LUC7L3: variants seen among roughly 807,000 people sequenced by gnomAD.
The protein encoded by LUC7L3 is LUC7 like 3 pre-mRNA splicing factor.
In LUC7L3, 6 loss-of-function variants were observed where a neutral mutation model predicts 66.8. That is an observed-to-expected ratio of 0.09 (90% CI 0.05 to 0.18). LUC7L3 has a LOEUF of 0.18. LUC7L3 is among the 10% of genes least tolerant of loss of function. LUC7L3 has a pLI of 1.00. For missense variants in LUC7L3, 341 were observed against 531.1 expected, an observed-to-expected ratio of 0.64 and a Z score of 3.52; for synonymous variants, 160 against 174.7, an observed-to-expected ratio of 0.92 and a Z score of 0.66.
chr17:50,754,499 T>C lies in LUC7L3; in HGVS notation c.*3838T>C, dbSNP rs1457631849. 3 of 152,180 alleles carry C rather than the reference T, an allele frequency of 2.0e-5. No individual in the cohort carries two copies. Among genetic ancestry groups the C allele is most frequent in the Non-Finnish European group, 2.9e-5 (2 of 68,016 alleles). The allele number at this position is 152,180 out of a possible 1,614,324, so 9.4% of individuals were successfully genotyped here. Reference sequence around the variant, plus strand: ...TTAGTATAAAACAAATTGGGTAAACTTTTGTTGGTCATCAAACTATATTAG... The same window carrying C: ...TTAGTATAAAACAAATTGGGTAAACCTTTGTTGGTCATCAAACTATATTAG... On this transcript the variant is annotated 3_prime_UTR_variant, in exon 10 of 10. Transcript: ENST00000505658.
chr17:50,746,450 T>G (rs1281148000), intron 8 of LUC7L3, 92 bp from the exon 9 acceptor site: 1 of 1,110,156 alleles, frequency 9.0e-7, no homozygotes, highest in African/African-American at 1.6e-5. Flanking sequence ...AGGGTAAGTT[T>G]TGCCTAGTCT....
At chr17:50,748,100 T>C (rs1970787843) in intron 9 of LUC7L3, among the ~76,000 whole-genome samples, 1 of 152,242 alleles carries the variant, frequency 6.6e-6, no homozygotes. Flanking sequence ...GTTGCTCTAT[T>C]CTGTGTTATC....
intron 9 of LUC7L3, among the ~76,000 whole-genome samples, chr17:50,747,596 A>G (rs1222841930): frequency 6.6e-6 from 1 of 152,106 alleles, no homozygotes; most frequent in East Asian, 1.9e-4. Flanking sequence ...TGCTACTATT[A>G]AGGTTTATTA....
intron 1 of LUC7L3, chr17:50,723,970 G>C: frequency 2.2e-6 from 1 of 455,874 alleles, no homozygotes. Flanking sequence ...AAAATAGTAA[G>C]TGTTGGCTTC....
In LUC7L3 at chr17:50,735,033, CCAG is replaced by C. The variant is rs3837842; in HGVS notation, c.100-1925_100-1923del. 2.9e-4 allele frequency among the ~76,000 whole-genome samples: 44 copies of C among 152,208 alleles called. 1 individual carries two copies. In the East Asian group the frequency reaches 8.1e-3, roughly 28 times the overall value. On this transcript the variant is annotated intron_variant, in intron 1 of 9. Transcript: ENST00000505658. ...ATCACCTAAGGTTGGGAGTTCGAGA[CCAG>C]CCTAACCAACATGGAGAAACCCCAT...
chr17:50,719,815 G>T lies in LUC7L3; in HGVS notation c.83G>T (p.Arg28Leu). 6.2e-7 allele frequency: 1 copy of T among 1,609,874 alleles called. No homozygotes were observed. The part of the protein sequence containing the change: ...LAPDEKRSNV[R>L]WDHESVCKYY... Reference sequence around the variant, plus strand: ...CCGGACGAGAAGCGCAGCAACGTGCGGTGGGACCACGAGAGCGTAAGTCCC... The same window carrying T: ...CCGGACGAGAAGCGCAGCAACGTGCTGTGGGACCACGAGAGCGTAAGTCCC... The change falls in exon 1 of 10, where the codon CGG becomes CTG. Residue 28 changes from arginine (R) to leucine (L), a missense_variant. Physicochemically the swap from Arg to Leu is moderately radical, Grantham distance 102. Coordinates refer to ENST00000505658, the MANE Select transcript of LUC7L3 (RefSeq NM_016424.5).
chr17:50,742,075 TGTG>T (rs1180334737), intron 5 of LUC7L3, among the ~76,000 whole-genome samples: 2 of 123,064 alleles, frequency 1.6e-5, no homozygotes, highest in East Asian at 2.1e-4. Flanking sequence ...GACCTCGTCT[TGTG>T]TGTGTGTGTG....
chr17:50,729,893 A>G (rs972450636), intron 1 of LUC7L3, among the ~76,000 whole-genome samples: 1 of 111,538 alleles, frequency 9.0e-6, no homozygotes, highest in Non-Finnish European at 1.9e-5. Context: ...GAATATAAAT[A>G]CATTATATAT....
chr17:50,743,949 T>C, intron 6 of LUC7L3, 139 bp downstream of exon 6: 1 of 640,104 alleles, frequency 1.6e-6, no homozygotes. Context: ...CTGTGGCATC[T>C]ACTAAGCTCT....
At chr17:50,734,367 A>T (rs556989824) in intron 1 of LUC7L3, among the ~76,000 whole-genome samples, 1 of 152,144 alleles carries the variant, frequency 6.6e-6, no homozygotes, top group South Asian at 2.1e-4. Context: ...GGGTTTCTCC[A>T]TGTTGGTCAT....
intron 7 of LUC7L3, 25 bp downstream of exon 7, chr17:50,744,838 G>A: frequency 1.3e-6 from 2 of 1,594,782 alleles, no homozygotes; most frequent in South Asian, 1.1e-5. Context: ...TTGTTTTGAG[G>A]CAGATTCTTG....
rs1415521871 is a variant in LUC7L3 at position 50,740,289 on chromosome 17, T to TA, written c.167-16dup. ...AATAATCACAGATAATTTATACAATTATATTTTTTCCCCCAGGTCCGTGTG... is the reference window on the plus strand; with the variant it reads ...AATAATCACAGATAATTTATACAATTAATATTTTTTCCCCCAGGTCCGTGTG... On this transcript the variant is annotated splice_polypyrimidine_tract_variant and intron_variant, in intron 2 of 9. Coordinates refer to ENST00000505658, the MANE Select transcript of LUC7L3 (RefSeq NM_016424.5). The TA allele has an allele frequency of 6.3e-7, 1 of 1,579,206 alleles. No homozygotes were observed. Among genetic ancestry groups the TA allele is most frequent in the African/African-American group, 1.4e-5 (1 of 73,452 alleles).
Position 50,729,896 on chromosome 17 carries a change from T to TTTTA in LUC7L3, c.100-7063_100-7062insTTAT, listed in dbSNP as rs1353844154. On this transcript the variant is annotated intron_variant, in intron 1 of 9. Transcript: ENST00000505658. ...GAAGTATATATTGAATATAAATACA[T>TTTTA]TATATATATATATATATATATATAT... Among the ~76,000 whole-genome samples the TTTTA allele has an allele frequency of 2.8e-3, 185 of 65,552 alleles. 9 individuals carry two copies. The highest frequency in any genetic ancestry group is 8.3e-3 in the Middle Eastern group (1 of 120). 43.0% of individuals were successfully genotyped at this position (65,552 alleles called of 152,430 possible).
intron 5 of LUC7L3, among the ~76,000 whole-genome samples, chr17:50,743,407 T>C (rs962822529): frequency 6.6e-6 from 1 of 152,030 alleles, no homozygotes; most frequent in Non-Finnish European, 1.5e-5. Context: ...GGTTTCACCA[T>C]GTTGGCCAGG....
intron 1 of LUC7L3, chr17:50,723,069 A>G (rs1359777486): frequency 2.0e-5 from 3 of 152,260 alleles, no homozygotes; most frequent in Admixed American, 6.5e-5. Context: ...AGTGTTAGCC[A>G]GAGAAGGCAC....
chr17:50,729,001 T>C (rs1041650305), intron 1 of LUC7L3, among the ~76,000 whole-genome samples: 1 of 152,224 alleles, frequency 6.6e-6, no homozygotes, highest in African/African-American at 2.4e-5. Flanking sequence ...AATGGGTTCT[T>C]GGAAACTATG....
At chr17:50,733,769 C>G (rs1472210229) in intron 1 of LUC7L3, among the ~76,000 whole-genome samples, 1 of 152,172 alleles carries the variant, frequency 6.6e-6, no homozygotes, top group Non-Finnish European at 1.5e-5. Context: ...TATAACCATA[C>G]AGTTTATGGC....
chr17:50,732,560 C>A (rs931043219), intron 1 of LUC7L3, among the ~76,000 whole-genome samples: 1 of 133,264 alleles, frequency 7.5e-6, no homozygotes, highest in Non-Finnish European at 1.6e-5. Flanking sequence ...TTTTTTCATT[C>A]TTTTTTTTTT....
chr17:50,725,137 C>A (rs529586420), intron 1 of LUC7L3, among the ~76,000 whole-genome samples: 2 of 149,308 alleles, frequency 1.3e-5, no homozygotes, highest in South Asian at 4.2e-4. Context: ...CGGCTGGGAG[C>A]GGTGGCTCAC....
Sources: gnomAD v4.1 joint callset for allele counts (sites outside exome capture counted in the v4.1 genomes callset) on GRCh38, gnomAD v4.1.1 for gene constraint, MANE v1.5 for transcripts, NCBI Gene and HGNC (gene_info 2026-07-23, HGNC 2026-07-21) for gene names.